The following GPCPD1 variants were observed in gnomAD, a reference collection of about 807,000 sequenced individuals.
The protein encoded by GPCPD1 is glycerophosphocholine phosphodiesterase 1.
A neutral mutation model predicts 89.2 loss-of-function variants in GPCPD1; 29 were observed. The ratio of observed to expected loss-of-function variants is 0.33; its 90% CI spans 0.24 to 0.44. The LOEUF (loss-of-function observed/expected upper bound fraction) is 0.44. GPCPD1 is among the 20% of genes least tolerant of loss of function. GPCPD1 has a pLI of 1.00. For missense variants in GPCPD1, 594 were observed against 808.9 expected, an observed-to-expected ratio of 0.73 and a Z score of 3.22; for synonymous variants, 258 against 266.3, an observed-to-expected ratio of 0.97 and a Z score of 0.30.
chr20:5,582,079 G>A (rs536164188), intron 6 of GPCPD1, among the ~76,000 whole-genome samples: 174 of 146,488 alleles, frequency 1.2e-3, no homozygotes, highest in East Asian at 2.6e-3. Context: ...CCAGCTACTC[G>A]GGAGGCTGAG....
At chr20:5,607,888 C>T (rs1456088374) in intron 1 of GPCPD1, among the ~76,000 whole-genome samples, 2 of 151,696 alleles carry the variant, frequency 1.3e-5, no homozygotes, top group African/African-American at 2.4e-5. Context: ...AATACTCTAT[C>T]ACCCATCAAA....
intron 19 of GPCPD1, among the ~76,000 whole-genome samples, chr20:5,554,557 C>T (rs1016914467): frequency 6.6e-6 from 1 of 152,206 alleles, no homozygotes; most frequent in Admixed American, 6.5e-5. Context: ...CACATCTGTA[C>T]ACAGCATGGT....
At chr20:5,580,333 G>C (rs1255681781) in intron 6 of GPCPD1, among the ~76,000 whole-genome samples, 1 of 151,856 alleles carries the variant, frequency 6.6e-6, no homozygotes, top group Non-Finnish European at 1.5e-5. Context: ...TGCAAACCAA[G>C]GGTGACAAAG....
At chr20:5,555,495 T>C (rs2122552982) in intron 19 of GPCPD1, among the ~76,000 whole-genome samples, 1 of 152,248 alleles carries the variant, frequency 6.6e-6, no homozygotes, top group Non-Finnish European at 1.5e-5. Flanking sequence ...GCCGAGATTG[T>C]GCCATTGCAC....
intron 19 of GPCPD1, chr20:5,549,280 A>G (rs2065687021): frequency 2.3e-6 from 2 of 881,308 alleles, no homozygotes; most frequent in Admixed American, 3.6e-5. Flanking sequence ...ATATATGTGC[A>G]GCTGTTCTTA....
rs1007365387 is a variant in GPCPD1, at chr20:5,604,248, A to G, written c.49+116T>C. ...TTCTGCTGTCAGGCAAGACCTATAGATATTTTCATCTAAAAAATCAGGCCC... is the reference window on the plus strand; with the variant it reads ...TTCTGCTGTCAGGCAAGACCTATAGGTATTTTCATCTAAAAAATCAGGCCC... On this transcript the variant is annotated intron_variant, in intron 2 of 19. Transcript: ENST00000379019. 6.1e-5 allele frequency: 40 copies of G among 656,698 alleles called. No individual in the cohort carries two copies. The African/African-American group carries it at 7.0e-4, about 11-fold the overall frequency. 40.7% of individuals were successfully genotyped at this position (656,698 alleles called of 1,614,324 possible).
intron 2 of GPCPD1, among the ~76,000 whole-genome samples, chr20:5,601,194 AT>A (rs1980109714): frequency 6.6e-6 from 1 of 151,482 alleles, no homozygotes; most frequent in African/African-American, 2.4e-5. Context: ...ACAAAAAAAA[AT>A]TTTAAGTAAG....
intron 2 of GPCPD1, among the ~76,000 whole-genome samples, chr20:5,603,070 G>A (rs1980286025): frequency 6.6e-6 from 1 of 151,288 alleles, no homozygotes; most frequent in African/African-American, 2.4e-5. Context: ...AGAGGCAGGT[G>A]GATCACGAGG....
chr20:5,580,698 C>A (rs1456390896), intron 6 of GPCPD1, among the ~76,000 whole-genome samples: 1 of 149,358 alleles, frequency 6.7e-6, no homozygotes, highest in African/African-American at 2.5e-5. Context: ...TGCACTCCAG[C>A]CTGGGCGGCA....
chr20:5,608,248 C>A (rs554855585), intron 1 of GPCPD1, among the ~76,000 whole-genome samples: 3 of 152,096 alleles, frequency 2.0e-5, no homozygotes, highest in African/African-American at 7.2e-5. Flanking sequence ...AGTAACTTAG[C>A]GGTAAACAGC....
intron 19 of GPCPD1, among the ~76,000 whole-genome samples, chr20:5,550,283 C>CAAAAAAAAA (rs11476159): frequency 2.9e-3 from 220 of 74,980 alleles, no homozygotes; most frequent in Middle Eastern, 7.5e-3. Flanking sequence ...TCAAATGAAG[C>CAAAAAAAAA]AAAAAAAAAA....
chr20:5,607,272 G>A (rs749910068), intron 1 of GPCPD1, among the ~76,000 whole-genome samples: 4 of 151,368 alleles, frequency 2.6e-5, no homozygotes, highest in Non-Finnish European at 4.4e-5. Flanking sequence ...GGGCAACACA[G>A]CGAGACTCTA....
chr20:5,593,350 T>C lies in GPCPD1; in HGVS notation c.208A>G (p.Lys70Glu). The change falls in exon 4 of 20, where the codon AAA (lysine) becomes GAA (glutamate). Residue 70 changes from lysine to glutamate, a missense_variant. Coordinates refer to ENST00000379019, the MANE Select transcript of GPCPD1 (RefSeq NM_019593.5). The stretch of plus-strand genomic sequence containing the variant: ...ACCTTTGGTTCTAAAAAGTACCCTT[T>C]GAAGTAGCGATACTGAACTGATACT... The part of the protein sequence containing the change: ...RGVSVQYRYF[K>E]GYFLEPKTIG... The C allele has an allele frequency of 6.3e-7, 1 of 1,578,610 alleles. No homozygotes were observed. Among genetic ancestry groups the C allele is most frequent in the Non-Finnish European group, 8.7e-7 (1 of 1,148,000 alleles).
chr20:5,556,056 T>G (rs1985749913), intron 19 of GPCPD1, among the ~76,000 whole-genome samples: 1 of 152,092 alleles, frequency 6.6e-6, no homozygotes, highest in South Asian at 2.1e-4. Flanking sequence ...GCCATCAACA[T>G]CAAAGCAAGA....
intron 6 of GPCPD1, among the ~76,000 whole-genome samples, chr20:5,583,477 G>A (rs1466865545): frequency 6.6e-6 from 1 of 152,116 alleles, no homozygotes; most frequent in Non-Finnish European, 1.5e-5. Context: ...GAACCTCAGG[G>A]TCGGAGGCTG....
rs1986136847 is a variant in GPCPD1 at position 5,562,372 on chromosome 20, T to C, written c.1330-842A>G. On this transcript the variant is annotated intron_variant, in intron 15 of 19. Transcript: ENST00000379019. ...ATCTCAGTTCACTGCAACCTCCACC[T>C]CTGGGGTTCAAGCAATTCTCCTGCC... Among the ~76,000 whole-genome samples the C allele has an allele frequency of 2.6e-5, 4 of 152,304 alleles. No individual in the cohort carries two copies. In the South Asian group the frequency reaches 8.3e-4, roughly 32 times the overall value.
At chr20:5,598,861 A>C in intron 2 of GPCPD1, 40 bp from the exon 3 acceptor site, 1 of 1,259,222 alleles carries the variant, frequency 7.9e-7, no homozygotes, top group Non-Finnish European at 1.2e-6. Context: ...AAACAGAACA[A>C]TCAGTCACAG....
chr20:5,557,968 T>C lies in GPCPD1; in HGVS notation c.1806A>G (p.Gly602=). 6.3e-7 allele frequency: 1 copy of C among 1,597,046 alleles called. No homozygotes were observed. ...ACCTATCATAAATTAGACCATTAAC[T>C]CCAAGTTCCTTCAATTTCCTTCTGT... ...PENRRKLKEL[G]VNGLIYDRIY... Residue 602 remains glycine, a synonymous_variant, in exon 19 of 20, where the codon GGA becomes GGG. Coordinates refer to ENST00000379019, the MANE Select transcript of GPCPD1 (RefSeq NM_019593.5).
intron 4 of GPCPD1, among the ~76,000 whole-genome samples, chr20:5,588,466 C>G (rs1053886573): frequency 2.6e-5 from 4 of 152,128 alleles, no homozygotes; most frequent in African/African-American, 9.7e-5. Flanking sequence ...GATCACACCA[C>G]TGCACTTCAG....
Sources: gnomAD v4.1 joint callset for allele counts (sites outside exome capture counted in the v4.1 genomes callset) on GRCh38, gnomAD v4.1.1 for gene constraint, MANE v1.5 for transcripts, NCBI Gene and HGNC (gene_info 2026-07-23, HGNC 2026-07-21) for gene names.